HK1: variants seen among roughly 807,000 people sequenced by gnomAD.
The protein encoded by HK1 is hexokinase 1.
A neutral mutation model predicts 91.6 loss-of-function variants in HK1; 28 were observed. That is an observed-to-expected ratio of 0.31 (90% CI 0.23 to 0.42). The LOEUF (loss-of-function observed/expected upper bound fraction) is 0.42. Ranked by LOEUF, HK1 falls within the 10% of genes least tolerant of loss-of-function variation. HK1 has a pLI of 1.00. For synonymous variants in HK1, 430 were observed against 468.1 expected (o/e 0.92, Z 1.05); for missense variants, 770 against 1,219.8 (o/e 0.63, Z 5.49).
At chr10:69,293,056 G>A (rs1845370259) in intron 3 of HK1, among the ~76,000 whole-genome samples, 1 of 152,182 alleles carries the variant, frequency 6.6e-6, no homozygotes, top group South Asian at 2.1e-4. Context: ...TGGCTCCAGA[G>A]CAGGCATGCT....
chr10:69,336,565 C>A (rs1355910070), intron 1 of HK1, among the ~76,000 whole-genome samples: 4 of 150,812 alleles, frequency 2.7e-5, no homozygotes, highest in Admixed American at 1.3e-4. Flanking sequence ...CTTTCATTTG[C>A]CATTTTTTTC....
intron 2 of HK1, among the ~76,000 whole-genome samples, chr10:69,283,460 T>C (rs1274006389): frequency 7.0e-6 from 1 of 143,646 alleles, no homozygotes; most frequent in African/African-American, 2.6e-5. Context: ...GTCTCAATAA[T>C]AATAATAATA....
At chr10:69,344,148 G>GATCC (rs533592990) in intron 2 of HK1, among the ~76,000 whole-genome samples, 159 bp downstream of exon 2, 525 of 151,876 alleles carry the variant, frequency 3.5e-3, no homozygotes, top group Admixed American at 6.4e-3. Flanking sequence ...TCCATCTGCT[G>GATCC]ATCCATCCAT....
intron 1 of HK1, among the ~76,000 whole-genome samples, chr10:69,281,403 AG>A (rs772488098): frequency 7.2e-5 from 11 of 152,336 alleles, no homozygotes; most frequent in South Asian, 6.2e-4. Context: ...AATAAGTACC[AG>A]GGTGTGCTGT....
upstream of HK1, among the ~76,000 whole-genome samples, chr10:69,315,239 T>A (rs370254515): frequency 5.2e-4 from 79 of 152,368 alleles, 1 homozygote; most frequent in South Asian, 0.016. Flanking sequence ...ATTCAGAGTG[T>A]GCTCCCAGGT....
chr10:69,327,221 CCT>C, intron 1 of HK1, among the ~76,000 whole-genome samples: 1 of 152,100 alleles, frequency 6.6e-6, no homozygotes, highest in South Asian at 2.1e-4. Flanking sequence ...AAAATCCTGA[CCT>C]CAAGTGATCC....
chr10:69,382,898 C>T (rs534827202), intron 10 of HK1, 107 bp downstream of exon 10: 53 of 1,047,242 alleles, frequency 5.1e-5, no homozygotes, highest in East Asian at 1.0e-4. Flanking sequence ...TGGTGATGCA[C>T]GATTTTGCCA....
chr10:69,318,813 C>A (rs1589474801), upstream of HK1: 2 of 1,404,444 alleles, frequency 1.4e-6, no homozygotes, highest in Non-Finnish European at 9.2e-7. Context: ...TCGCCGCGCC[C>A]CGGGCCGAGG....
At chr10:69,293,286 T>G (rs1027681120) in intron 3 of HK1, among the ~76,000 whole-genome samples, 2 of 152,174 alleles carry the variant, frequency 1.3e-5, no homozygotes, top group East Asian at 1.9e-4. Context: ...GGGCTGGTAC[T>G]CACATGTGCC....
At chr10:69,273,616 C>T (rs558149085) in intron 1 of HK1, among the ~76,000 whole-genome samples, 4 of 152,084 alleles carry the variant, frequency 2.6e-5, no homozygotes, top group Middle Eastern at 3.2e-3. Context: ...CCTCCCAAAG[C>T]GCTGGGATTA....
chr10:69,350,157 G>C (rs1848772340), intron 2 of HK1, among the ~76,000 whole-genome samples: 1 of 152,164 alleles, frequency 6.6e-6, no homozygotes, highest in South Asian at 2.1e-4. Context: ...GCTTACTTGG[G>C]TTATGTGCCC....
intron 16 of HK1, among the ~76,000 whole-genome samples, chr10:69,397,810 G>A (rs1210138852): frequency 6.6e-6 from 1 of 152,128 alleles, no homozygotes; most frequent in Non-Finnish European, 1.5e-5. Context: ...GTCTTGAGAC[G>A]TAAGAAGTAG....
intron 2 of HK1, among the ~76,000 whole-genome samples, chr10:69,354,364 G>A (rs1849027568): frequency 6.6e-6 from 1 of 152,216 alleles, no homozygotes; most frequent in Non-Finnish European, 1.5e-5. Flanking sequence ...AGTTCAGCAT[G>A]GCTGGGGAGG....
At chr10:69,285,795 C>T (rs2132444393) in intron 2 of HK1, among the ~76,000 whole-genome samples, 1 of 152,312 alleles carries the variant, frequency 6.6e-6, no homozygotes, top group South Asian at 2.1e-4. Context: ...CTGGTGGAAA[C>T]ACCAGTTTCT....
At chr10:69,272,065 T>A (rs1241747680) in intron 1 of HK1, among the ~76,000 whole-genome samples, 1 of 152,146 alleles carries the variant, frequency 6.6e-6, no homozygotes, top group African/African-American at 2.4e-5. Flanking sequence ...GGTTTTGCCA[T>A]GTTGGCCAAG....
At chr10:69,343,394 G>A (rs1312916571) in intron 1 of HK1, among the ~76,000 whole-genome samples, 1 of 152,276 alleles carries the variant, frequency 6.6e-6, no homozygotes, top group Non-Finnish European at 1.5e-5. Context: ...GTTAAGCTCT[G>A]GGGCTAGGAT....
rs376693241 is a variant in HK1, at chr10:69,299,938, G to A, written c.-66-831G>A. On this transcript the variant is annotated intron_variant, in intron 4 of 21. Transcript: ENST00000360289. ...GCCTCCCAAAGTGCTGGGATTACAG[G>A]CCTCAGCCACCGTACCCGGCCTATT... Among the ~76,000 whole-genome samples, 77 of 151,400 alleles carry A rather than the reference G, an allele frequency of 5.1e-4. 1 individual carries two copies. The South Asian group carries it at 0.015, about 30-fold the overall frequency.
At chr10:69,354,438 G>C (rs1450497299) in intron 2 of HK1, among the ~76,000 whole-genome samples, 1 of 152,166 alleles carries the variant, frequency 6.6e-6, no homozygotes, top group Non-Finnish European at 1.5e-5. Flanking sequence ...GCGGCAGGAA[G>C]GAGAAGTGCT....
At chr10:69,344,470 C>G (rs1848448023) in intron 2 of HK1, among the ~76,000 whole-genome samples, 1 of 152,188 alleles carries the variant, frequency 6.6e-6, no homozygotes, top group Non-Finnish European at 1.5e-5. Flanking sequence ...ACAGGTGGGT[C>G]TCAGACTTAA....
Sources: gnomAD v4.1 joint callset for allele counts (sites outside exome capture counted in the v4.1 genomes callset) on GRCh38, gnomAD v4.1.1 for gene constraint, MANE v1.5 for transcripts, NCBI Gene and HGNC (gene_info 2026-07-23, HGNC 2026-07-21) for gene names.